EHHADH: variants seen among roughly 807,000 people sequenced by gnomAD.
EHHADH encodes enoyl-CoA hydratase and 3-hydroxyacyl CoA dehydrogenase.
Under a neutral mutation model 64.4 loss-of-function variants are expected in EHHADH, and 48 were observed. That is an observed-to-expected ratio of 0.75 (90% CI 0.59 to 0.95). The LOEUF (loss-of-function observed/expected upper bound fraction) is 0.95, where lower values mean the gene tolerates loss of function less well. Ranked by LOEUF, EHHADH falls within the 40% of genes least tolerant of loss-of-function variation. The pLI is 0.00. For synonymous variants in EHHADH, 308 were observed against 326.7 expected (o/e 0.94, Z 0.62); for missense variants, 854 against 876.6 (o/e 0.97, Z 0.33).
At chr3:185,228,261 T>A (rs1328969616) in intron 4 of EHHADH, among the ~76,000 whole-genome samples, 387 of 35,080 alleles carry the variant, frequency 0.011, 1 homozygote, top group Admixed American at 0.017. Flanking sequence ...AAAAAAAATA[T>A]ATATATATAT....
intron 6 of EHHADH, among the ~76,000 whole-genome samples, chr3:185,201,701 T>C (rs1718232149): frequency 6.6e-6 from 1 of 152,230 alleles, no homozygotes; most frequent in Non-Finnish European, 1.5e-5. Context: ...ATATATTTAG[T>C]ACGCCCTTTC....
chr3:185,200,626 G>T (rs1473190143), intron 6 of EHHADH, among the ~76,000 whole-genome samples: 1 of 152,176 alleles, frequency 6.6e-6, no homozygotes, highest in Non-Finnish European at 1.5e-5. Flanking sequence ...CTGCTCCCCT[G>T]CCAAATTACT....
At chr3:185,213,088 C>A (rs1248796425) in intron 5 of EHHADH, among the ~76,000 whole-genome samples, 1 of 124,652 alleles carries the variant, frequency 8.0e-6, no homozygotes, top group Non-Finnish European at 1.6e-5. Flanking sequence ...CCATTGTACT[C>A]CAGCCTGGGT....
Position 185,229,470 on chromosome 3 carries a change from A to T in EHHADH, c.425T>A (p.Leu142His), listed in dbSNP as rs1719095554. The change falls in exon 4 of 7, where the codon CTC (leucine) becomes CAC (histidine). Residue 142 changes from leucine (L) to histidine (H), a missense_variant. Coordinates refer to ENST00000231887, the MANE Select transcript of EHHADH (RefSeq NM_001966.4). Reference sequence around the variant, plus strand: ...GTCAAGTGCAGCAGGAACTCCAGTGAGTCTGGGGAGAAGCTGGGTTCCTCT... The same window carrying T: ...GTCAAGTGCAGCAGGAACTCCAGTGTGTCTGGGGAGAAGCTGGGTTCCTCT... ...GARGTQLLPR[L>H]TGVPAALDLI... The T allele has an allele frequency of 6.4e-7, 1 of 1,573,576 alleles. No individual in the cohort carries two copies. Among genetic ancestry groups the T allele is most frequent in the African/African-American group, 1.3e-5 (1 of 74,322 alleles).
intron 2 of EHHADH, chr3:185,245,863 A>C (rs1719580627): frequency 9.8e-7 from 1 of 1,016,688 alleles, no homozygotes; most frequent in Non-Finnish European, 1.5e-6. Context: ...TCTCCCCAGC[A>C]ACCATATCTG....
At chr3:185,209,195 A>C (rs1718475151) in intron 5 of EHHADH, among the ~76,000 whole-genome samples, 1 of 152,248 alleles carries the variant, frequency 6.6e-6, no homozygotes, top group Non-Finnish European at 1.5e-5. Context: ...AAGACCTTTC[A>C]GAAGATAACT....
Position 185,216,636 on chromosome 3 carries a change from T to G in EHHADH, c.568+1500A>C, listed in dbSNP as rs139233898. Among the ~76,000 whole-genome samples, 1 of 152,216 alleles carries G rather than the reference T, an allele frequency of 6.6e-6. No individual in the cohort carries two copies. The highest frequency in any genetic ancestry group is 6.5e-5 in the Admixed American group (1 of 15,276). ...TCCTCCCCTCTCCAGTTCAAGCTTT[T>G]ACTTTCACATTGAAACAGTAACTGG... is the stretch of plus-strand genomic sequence containing the variant. On this transcript the variant is annotated intron_variant, in intron 5 of 6. Transcript: ENST00000231887. This position sits in a 1 kb window ranked among gnomAD's most constrained non-coding sequence, Gnocchi z 5.3.
chr3:185,250,480 T>C (rs969320450), intron 1 of EHHADH, among the ~76,000 whole-genome samples: 5 of 114,524 alleles, frequency 4.4e-5, no homozygotes, highest in African/African-American at 1.4e-4. Context: ...CTAGGGCAAG[T>C]GGTGAGGAAC....
chr3:185,250,928 A>G (rs1196178870), intron 1 of EHHADH, among the ~76,000 whole-genome samples: 1 of 152,224 alleles, frequency 6.6e-6, no homozygotes, highest in East Asian at 1.9e-4. Flanking sequence ...CACTGAGGAG[A>G]AGAAACCAGC....
At chr3:185,220,438 T>G (rs948587207) in intron 4 of EHHADH, among the ~76,000 whole-genome samples, 13 of 152,226 alleles carry the variant, frequency 8.5e-5, no homozygotes, top group Admixed American at 3.9e-4. Context: ...TACAGTAACA[T>G]GCTGCACAGG....
At position 185,229,484 on chromosome 3, in the gene EHHADH, C is replaced by G. The variant is rs148984368; in HGVS notation, c.411G>C (p.Gln137His). Residue 137 changes from glutamine (Q) to histidine (H), a missense_variant, in exon 4 of 7, where the codon CAG becomes CAC. Coordinates refer to ENST00000231887, the MANE Select transcript of EHHADH (RefSeq NM_001966.4). Reference sequence around the variant, plus strand: ...GAACTCCAGTGAGTCTGGGGAGAAGCTGGGTTCCTCTTGCACCAGGGAGAA... The same window carrying G: ...GAACTCCAGTGAGTCTGGGGAGAAGGTGGGTTCCTCTTGCACCAGGGAGAA... ...LGLLPGARGTQLLPRLTGVPA... is the reference protein window; with the variant it reads ...LGLLPGARGTHLLPRLTGVPA... 7 of 1,575,664 alleles carry G rather than the reference C, an allele frequency of 4.4e-6. No homozygotes were observed. The East Asian group carries it at 1.6e-4, about 36-fold the overall frequency.
At chr3:185,208,732 TG>T (rs1180264858) in intron 5 of EHHADH, among the ~76,000 whole-genome samples, 63 of 152,328 alleles carry the variant, frequency 4.1e-4, no homozygotes, top group African/African-American at 1.4e-3. Context: ...CAAATATTCA[TG>T]GCAGCATTAT....
intron 5 of EHHADH, among the ~76,000 whole-genome samples, chr3:185,212,872 C>T (rs1025735528): frequency 6.6e-6 from 1 of 151,976 alleles, no homozygotes; most frequent in African/African-American, 2.4e-5. Flanking sequence ...GTAATCCCAG[C>T]ACTTTGGGAG....
At chr3:185,229,924 T>C (rs1719108112) in intron 3 of EHHADH, among the ~76,000 whole-genome samples, 1 of 152,198 alleles carries the variant, frequency 6.6e-6, no homozygotes, top group Admixed American at 6.5e-5. Flanking sequence ...ACAAATTATA[T>C]ATCTGATATA....
chr3:185,217,765 CTT>C (rs967977785), intron 5 of EHHADH, among the ~76,000 whole-genome samples: 3 of 8,264 alleles, frequency 3.6e-4, no homozygotes, highest in Admixed American at 1.3e-3. Context: ...TCAGGATTTT[CTT>C]TTTTTTTTTT....
Position 185,193,477 on chromosome 3 carries a change from TGTTC to T in EHHADH, c.917_920del (p.Gly306GlufsTer17). Reference sequence around the variant, plus strand: ...AAGAAATGACAATGCCTCGGCCCATTGTTCCCAAGCCTGCAGATAAAAATCAAAG... The same window carrying T: ...AAGAAATGACAATGCCTCGGCCCATTCCAAGCCTGCAGATAAAAATCAAAG... On this transcript the variant is annotated frameshift_variant, in exon 7 of 7. Coordinates refer to ENST00000231887, the MANE Select transcript of EHHADH (RefSeq NM_001966.4). LOFTEE classifies it high-confidence loss of function. 1 of 1,613,898 alleles carries T rather than the reference TGTTC, an allele frequency of 6.2e-7. No homozygotes were observed. The highest frequency in any genetic ancestry group is 1.1e-5 in the South Asian group (1 of 90,994).
In EHHADH at chr3:185,191,538, T is replaced by C. The variant is rs1310448269; in HGVS notation, c.*688A>G. On this transcript the variant is annotated 3_prime_UTR_variant, in exon 7 of 7. Coordinates refer to ENST00000231887, the MANE Select transcript of EHHADH (RefSeq NM_001966.4). ...TTTTCAAGATTCAACCATTTCCATA[T>C]GTAACATCACAGAGGCTTGTCATGA... The C allele has an allele frequency of 6.6e-6, 1 of 152,208 alleles. No individual in the cohort carries two copies. The highest frequency in any genetic ancestry group is 1.5e-5 in the Non-Finnish European group (1 of 68,034). 9.4% of individuals were successfully genotyped at this position (152,208 alleles called of 1,614,324 possible).
At chr3:185,242,703 A>C (rs1719490323) in intron 2 of EHHADH, among the ~76,000 whole-genome samples, 1 of 152,148 alleles carries the variant, frequency 6.6e-6, no homozygotes, top group Non-Finnish European at 1.5e-5. Context: ...ACACAATCCA[A>C]AGGGCTGGTC....
chr3:185,193,335 C>T lies in EHHADH; in HGVS notation c.1063G>A (p.Gly355Ser), dbSNP rs150744159. Residue 355 changes from glycine to serine, a missense_variant, in exon 7 of 7, where the codon GGC becomes AGC. Gly to Ser is a moderately conservative substitution (Grantham distance 56). Transcript: ENST00000231887. Reference protein sequence around the residue: ...EKEASKMQQSGHPWSGPKPRL... With the variant: ...EKEASKMQQSSHPWSGPKPRL... ...GGTTTTGGTCCTGACCAAGGGTGGC[C>T]GCTCTGTTGCATTTTGGAGGCTTCT... is the stretch of plus-strand genomic sequence containing the variant. The T allele has an allele frequency of 1.6e-4, 263 of 1,613,786 alleles. 1 individual carries two copies. The Admixed American group carries it at 2.2e-3, about 14-fold the overall frequency.
Sources: gnomAD v4.1 joint callset for allele counts (sites outside exome capture counted in the v4.1 genomes callset) on GRCh38, gnomAD v4.1.1 for gene constraint, Gnocchi (gnomAD v3.1) non-coding constraint, MANE v1.5 for transcripts, NCBI Gene and HGNC (gene_info 2026-07-23, HGNC 2026-07-21) for gene names.